The following COL14A1 variants were observed in gnomAD, a reference collection of about 807,000 sequenced individuals.
COL14A1 encodes the protein collagen alpha-1(XIV) chain.
In COL14A1, 136 loss-of-function variants were observed where a neutral mutation model predicts 230.3. The observed-to-expected ratio is 0.59, with a 90% CI of 0.51 to 0.68. The LOEUF (loss-of-function observed/expected upper bound fraction) is 0.68, where lower values mean the gene tolerates loss of function less well. COL14A1 is among the 30% of genes least tolerant of loss of function. COL14A1 has a pLI of 0.00. For synonymous variants in COL14A1, 792 were observed against 784.1 expected (o/e 1.01, Z -0.17); for missense variants, 1,976 against 2,215.8 (o/e 0.89, Z 2.17).
intron 5 of COL14A1, among the ~76,000 whole-genome samples, chr8:120,174,590 A>G (rs558794101): frequency 2.2e-4 from 34 of 152,302 alleles, no homozygotes; most frequent in Admixed American, 1.5e-3. Flanking sequence ...ATGTTTGAAC[A>G]TATGTTTACG....
chr8:120,162,218 T>C (rs1436413276), intron 3 of COL14A1, among the ~76,000 whole-genome samples: 9 of 152,240 alleles, frequency 5.9e-5, no homozygotes, highest in Non-Finnish European at 1.2e-4. Context: ...TACCATTGTA[T>C]GTATTTTTAA....
rs1373677588 is a variant in COL14A1, at chr8:120,203,824, C to T, written c.993C>T (p.Thr331=). 6.2e-6 allele frequency: 10 copies of T among 1,613,656 alleles called. No homozygotes were observed. The highest frequency in any genetic ancestry group is 7.6e-6 in the Non-Finnish European group (9 of 1,179,822). The change falls in exon 9 of 48, where the codon ACC becomes ACT. Residue 331 remains threonine, a synonymous_variant. Transcript: ENST00000297848. ...DLMHTVVESL[T]RTLCSRVEEQ... ...TGCACACAGTTGTGGAGAGTCTGACCAGGACTCTCTGCTCTAGAGTGGAAG... is the reference window on the plus strand; with the variant it reads ...TGCACACAGTTGTGGAGAGTCTGACTAGGACTCTCTGCTCTAGAGTGGAAG...
At chr8:120,280,365 A>C (rs527270623) in intron 29 of COL14A1, among the ~76,000 whole-genome samples, 1 of 152,274 alleles carries the variant, frequency 6.6e-6, no homozygotes, top group Non-Finnish European at 1.5e-5. Context: ...GTAGTAAATA[A>C]TTTTCAATGT....
At chr8:120,320,970 G>A (rs1821418127) in intron 40 of COL14A1, among the ~76,000 whole-genome samples, 1 of 152,296 alleles carries the variant, frequency 6.6e-6, no homozygotes, top group African/African-American at 2.4e-5. Flanking sequence ...GAAAACGGAA[G>A]AAACAATGCC....
At chr8:120,221,576 A>ACACG (rs1817937343) in intron 14 of COL14A1, among the ~76,000 whole-genome samples, 2 of 151,896 alleles carry the variant, frequency 1.3e-5, no homozygotes, top group Admixed American at 1.3e-4. Context: ...ACACACACAC[A>ACACG]CACACACGTT....
chr8:120,313,922 T>C lies in COL14A1; in HGVS notation c.4456-10T>C. The C allele has an allele frequency of 6.3e-7, 1 of 1,596,076 alleles. No homozygotes were observed. The highest frequency in any genetic ancestry group is 8.6e-7 in the Non-Finnish European group (1 of 1,166,938). The stretch of plus-strand genomic sequence containing the variant: ...TACTTTTAGGATGATACTTCTCTCT[T>C]GCCTTCCAGGGACCAGATGGCCCTC... On this transcript the variant is annotated splice_polypyrimidine_tract_variant and intron_variant, in intron 37 of 47. Transcript: ENST00000297848.
chr8:120,312,906 G>C (rs1332481941), intron 37 of COL14A1, among the ~76,000 whole-genome samples: 1 of 152,196 alleles, frequency 6.6e-6, no homozygotes. Flanking sequence ...AGCTTTAGTT[G>C]AAGTCACAGA....
rs878907343 is a variant in COL14A1, at chr8:120,227,228, G to A, written c.2013G>A (p.Leu671=). 1 of 1,613,628 alleles carries A rather than the reference G, an allele frequency of 6.2e-7. No individual in the cohort carries two copies. The highest frequency in any genetic ancestry group is 8.5e-7 in the Non-Finnish European group (1 of 1,179,848). The change falls in exon 17 of 48, where the codon CTG becomes CTA. Residue 671 remains leucine (L), a synonymous_variant. Coordinates refer to ENST00000297848, the MANE Select transcript of COL14A1 (RefSeq NM_021110.4). ...VYGGKTEEVV[L]KEEQDSHVIE... ...ACCAAAATATATTTCAGGTTGTCCT[G>A]AAAGAAGAGCAGGACTCACATGTTA...
chr8:120,340,801 G>C (rs1325643430), intron 42 of COL14A1, among the ~76,000 whole-genome samples: 2 of 152,186 alleles, frequency 1.3e-5, no homozygotes, highest in African/African-American at 4.8e-5. Context: ...AGAATTGTGT[G>C]GCATCGTGCT....
rs532354788 is a variant in COL14A1 at position 120,329,565 on chromosome 8, C to T, written c.4660-2576C>T. Among the ~76,000 whole-genome samples, 102 of 152,164 alleles carry T rather than the reference C, an allele frequency of 6.7e-4. 1 individual carries two copies. Among genetic ancestry groups the T allele is most frequent in the Non-Finnish European group, 1.1e-3 (78 of 67,994 alleles). On this transcript the variant is annotated intron_variant, in intron 40 of 47. Coordinates refer to ENST00000297848, the MANE Select transcript of COL14A1 (RefSeq NM_021110.4). ...AAGGCTGAGGTGAGTCATGATTGTG[C>T]CACTGCACTCCAGCCTGGGTGACAG...
chr8:120,286,026 C>T (rs1586832377), intron 33 of COL14A1, 56 bp downstream of exon 33: 8 of 1,017,050 alleles, frequency 7.9e-6, no homozygotes, highest in Non-Finnish European at 4.6e-6. Context: ...TGAACAAAGC[C>T]ATTTAAAAAC....
chr8:120,188,491 G>A (rs1436690776), intron 5 of COL14A1, among the ~76,000 whole-genome samples: 1 of 152,184 alleles, frequency 6.6e-6, no homozygotes, highest in South Asian at 2.1e-4. Flanking sequence ...AGAAGAGAAA[G>A]GGGATCATTT....
chr8:120,209,457 G>T (rs1245055117), intron 11 of COL14A1, among the ~76,000 whole-genome samples: 1 of 152,126 alleles, frequency 6.6e-6, no homozygotes, highest in Non-Finnish European at 1.5e-5. Flanking sequence ...GCAATGAAGG[G>T]CTGTAAGCAC....
intron 45 of COL14A1, among the ~76,000 whole-genome samples, chr8:120,350,229 G>A (rs1822699215): frequency 6.6e-6 from 1 of 152,106 alleles, no homozygotes; most frequent in African/African-American, 2.4e-5. Flanking sequence ...AAGAGCTCCT[G>A]AAGGAAGCAA....
At chr8:120,234,055 AG>A (rs1422006374) in intron 19 of COL14A1, among the ~76,000 whole-genome samples, 4 of 152,098 alleles carry the variant, frequency 2.6e-5, no homozygotes, top group African/African-American at 9.7e-5. Context: ...TTGGATTCCT[AG>A]GTATTTTATT....
In COL14A1 at chr8:120,280,549, A is replaced by G. The variant is rs565757797; in HGVS notation, c.3647-162A>G. 2.0e-4 allele frequency among the ~76,000 whole-genome samples: 30 copies of G among 152,298 alleles called. 1 individual carries two copies. Among genetic ancestry groups the G allele is most frequent in the African/African-American group, 6.7e-4 (28 of 41,568 alleles). ...TAATAAGGGACCTTAGCACATTTCAATCTTCATGAAACCACAGAAAACCAT... is the reference window on the plus strand; with the variant it reads ...TAATAAGGGACCTTAGCACATTTCAGTCTTCATGAAACCACAGAAAACCAT... On this transcript the variant is annotated intron_variant, in intron 29 of 47. Transcript: ENST00000297848.
At chr8:120,272,717 G>T (rs1231741419) in intron 26 of COL14A1, among the ~76,000 whole-genome samples, 1 of 151,724 alleles carries the variant, frequency 6.6e-6, no homozygotes, top group African/African-American at 2.4e-5. Context: ...ATTATATAAT[G>T]ATAAAAGGAT....
intron 46 of COL14A1, 42 bp from the exon 47 acceptor site, chr8:120,369,288 G>T: frequency 6.8e-7 from 1 of 1,461,078 alleles, no homozygotes. Context: ...TCACCCTGTT[G>T]TGGCAAAAGA....
At chr8:120,298,938 A>G (rs1480998397) in intron 35 of COL14A1, among the ~76,000 whole-genome samples, 1 of 151,776 alleles carries the variant, frequency 6.6e-6, no homozygotes, top group Non-Finnish European at 1.5e-5. Flanking sequence ...GGAAGCAAAC[A>G]CTTCCTTCTT....
Sources: gnomAD v4.1 joint callset for allele counts (sites outside exome capture counted in the v4.1 genomes callset) on GRCh38, gnomAD v4.1.1 for gene constraint, MANE v1.5 for transcripts, NCBI Gene and HGNC (gene_info 2026-07-23, HGNC 2026-07-21) for gene names.